NDUFA13: variants seen among roughly 807,000 people sequenced by gnomAD.
NDUFA13 encodes the protein NADH dehydrogenase [ubiquinone] 1 alpha subcomplex subunit 13.
A neutral mutation model predicts 17.0 loss-of-function variants in NDUFA13; 16 were observed. The ratio of observed to expected loss-of-function variants is 0.94; its 90% CI spans 0.64 to 1.43. NDUFA13 has a LOEUF of 1.43. Among genes scored for constraint, NDUFA13 ranks in the 40% most tolerant of loss-of-function variants. NDUFA13 has a pLI of 0.00. For missense variants in NDUFA13, 228 were observed against 206.7 expected, an observed-to-expected ratio of 1.10 and a Z score of -0.63; for synonymous variants, 87 against 78.4, an observed-to-expected ratio of 1.11 and a Z score of -0.58.
intron 1 of NDUFA13, 87 bp from the exon 2 acceptor site, chr19:19,526,095 C>T (rs2061098258): frequency 6.4e-7 from 1 of 1,569,464 alleles, no homozygotes; most frequent in South Asian, 1.2e-5. Flanking sequence ...GCCAGTGTCC[C>T]CTGATTGCAG....
chr19:19,519,879 G>C (rs1398465199), intron 1 of NDUFA13, among the ~76,000 whole-genome samples: 1 of 152,038 alleles, frequency 6.6e-6, no homozygotes, highest in East Asian at 1.9e-4. Flanking sequence ...CCCAAGCCTG[G>C]CACCCACTCC....
intron 1 of NDUFA13, among the ~76,000 whole-genome samples, chr19:19,518,481 C>T (rs2061060246): frequency 6.6e-6 from 1 of 151,892 alleles, no homozygotes; most frequent in Non-Finnish European, 1.5e-5. Context: ...GTTATCCACC[C>T]ACCTCGGCCT....
chr19:19,520,414 G>A (rs912226491), intron 1 of NDUFA13, among the ~76,000 whole-genome samples: 1 of 152,156 alleles, frequency 6.6e-6, no homozygotes, highest in African/African-American at 2.4e-5. Flanking sequence ...TGGATCACCT[G>A]AGCTCAGGAG....
intron 1 of NDUFA13, 25 bp downstream of exon 1, chr19:19,516,357 C>T (rs915201168): frequency 6.2e-7 from 1 of 1,612,096 alleles, no homozygotes; most frequent in Non-Finnish European, 8.5e-7. Flanking sequence ...GCGCCGGGGT[C>T]TCAGAGTCTG....
chr19:19,527,763 A>ACTGGAAGGTGGGTCCCGG lies in NDUFA13; in HGVS notation c.313_315+15dup, dbSNP rs1270593048. On this transcript the variant is annotated inframe_insertion, in exon 4 of 5. Transcript: ENST00000507754. ...GCCATCATCATGAAGGACGTGCCCG[A>ACTGGAAGGTGGGTCCCGG]CTGGAAGGTGGGTCCCGGCTGGGAG... is the stretch of plus-strand genomic sequence containing the variant. 3 of 1,552,660 alleles carry ACTGGAAGGTGGGTCCCGG rather than the reference A, an allele frequency of 1.9e-6. No individual in the cohort carries two copies. The Admixed American group carries it at 5.9e-5, about 30-fold the overall frequency.
At position 19,527,337 on chromosome 19, in the gene NDUFA13, C is replaced by T; in HGVS notation, c.230C>T (p.Ala77Val). 6.2e-7 allele frequency: 1 copy of T among 1,613,912 alleles called. No homozygotes were observed. The highest frequency in any genetic ancestry group is 8.5e-7 in the Non-Finnish European group (1 of 1,180,020). The change falls in exon 3 of 5, where the codon GCA becomes GTA. Residue 77 changes from alanine to valine, a missense_variant. By Grantham distance (64) the Ala-to-Val change is moderately conservative (BLOSUM62 0). Transcript: ENST00000507754. ...ATCGCGCTGTTGCCACTGTTACAGG[C>T]AGAAACCGACCGGAGGTAGCACCGC... ...ARIALLPLLQ[A>V]ETDRRTLQML...
intron 1 of NDUFA13, among the ~76,000 whole-genome samples, chr19:19,520,797 C>T (rs761239066): frequency 3.9e-5 from 6 of 152,216 alleles, no homozygotes; most frequent in Non-Finnish European, 7.3e-5. Flanking sequence ...AAACACTAAT[C>T]TGCTTCCTTC....
intron 1 of NDUFA13, 112 bp downstream of exon 1, chr19:19,516,444 A>G (rs1304274938): frequency 8.7e-7 from 1 of 1,147,226 alleles, no homozygotes; most frequent in African/African-American, 1.5e-5. Flanking sequence ...CCGGAGGCGG[A>G]GCCCGGGGAT....
chr19:19,521,339 T>C (rs2061076291), intron 1 of NDUFA13, among the ~76,000 whole-genome samples: 1 of 152,300 alleles, frequency 6.6e-6, no homozygotes, highest in Non-Finnish European at 1.5e-5. Flanking sequence ...ATATCACTGC[T>C]GGCTGATGAT....
chr19:19,526,335 G>A, intron 2 of NDUFA13, 75 bp downstream of exon 2: 6 of 1,531,214 alleles, frequency 3.9e-6, no homozygotes, highest in Non-Finnish European at 5.4e-6. Context: ...TTCCGCTGTT[G>A]TCTGTGCTGG....
At chr19:19,525,962 C>A (rs1255131866) in intron 1 of NDUFA13, 2 of 1,391,860 alleles carry the variant, frequency 1.4e-6, no homozygotes, top group East Asian at 2.6e-5. Flanking sequence ...CTGGGGCCCC[C>A]CTAGCAACCA....
chr19:19,523,594 G>A (rs1172595227), intron 1 of NDUFA13, among the ~76,000 whole-genome samples: 1 of 152,056 alleles, frequency 6.6e-6, no homozygotes, highest in Non-Finnish European at 1.5e-5. Context: ...AAGTAGGTGG[G>A]ACCACAGATA....
intron 1 of NDUFA13, among the ~76,000 whole-genome samples, chr19:19,516,734 C>A (rs1166416277): frequency 6.6e-6 from 1 of 152,228 alleles, no homozygotes; most frequent in African/African-American, 2.4e-5. Flanking sequence ...GCAGTGGTTC[C>A]CTGCTGGCAG....
Position 19,516,315 on chromosome 19 carries a change from C to A in NDUFA13, c.77C>A (p.Pro26Gln), listed in dbSNP as rs754055708. The part of the protein sequence containing the change: ...YGPIDYKRNL[P>Q]RRGLSGYSML... ...CCCATCGACTACAAACGGAACTTGC[C>A]GCGTCGAGGACTGTCGGGTCAGTAT... The change falls in exon 1 of 5, where the codon CCG becomes CAG. Residue 26 changes from proline to glutamine, a missense_variant. Coordinates refer to ENST00000507754, the MANE Select transcript of NDUFA13 (RefSeq NM_015965.7). 2 of 1,613,652 alleles carry A rather than the reference C, an allele frequency of 1.2e-6. No homozygotes were observed. The highest frequency in any genetic ancestry group is 2.2e-5 in the South Asian group (2 of 91,072).
chr19:19,526,524 C>T, intron 2 of NDUFA13: 1 of 520,308 alleles, frequency 1.9e-6, no homozygotes. Flanking sequence ...TCAAGACCAG[C>T]CTGGGCAACA....
At position 19,525,105 on chromosome 19, in the gene NDUFA13, A is replaced by G. The variant is rs543421863; in HGVS notation, c.95-1077A>G. On this transcript the variant is annotated intron_variant, in intron 1 of 4. Transcript: ENST00000507754. ...TGATGAAACCTCCCATGTGCTAGAC[A>G]GGAGGCTGAGAGCTGGGAGCTGGCC... Among the ~76,000 whole-genome samples, 9 of 152,350 alleles carry G rather than the reference A, an allele frequency of 5.9e-5. No homozygotes were observed. In the South Asian group the frequency reaches 1.9e-3, roughly 32 times the overall value.
At chr19:19,524,518 C>T (rs1306493758) in intron 1 of NDUFA13, among the ~76,000 whole-genome samples, 13 of 152,080 alleles carry the variant, frequency 8.5e-5, no homozygotes, top group Admixed American at 2.0e-4. Flanking sequence ...TCTCTGTAGC[C>T]GTGGAAAATA....
intron 2 of NDUFA13, 119 bp from the exon 3 acceptor site, chr19:19,527,162 G>GCCC: frequency 6.0e-6 from 5 of 837,454 alleles, no homozygotes; most frequent in Non-Finnish European, 7.1e-6. Context: ...CCCCCTGCCT[G>GCCC]CCTCCCCGCC....
intron 4 of NDUFA13, 82 bp downstream of exon 4, chr19:19,527,852 A>G: frequency 6.7e-7 from 1 of 1,501,138 alleles, no homozygotes; most frequent in Non-Finnish European, 9.1e-7. Flanking sequence ...AGCTTTCTAT[A>G]GAAACCCCAG....
Sources: gnomAD v4.1 joint callset for allele counts (sites outside exome capture counted in the v4.1 genomes callset) on GRCh38, gnomAD v4.1.1 for gene constraint, MANE v1.5 for transcripts, NCBI Gene and HGNC (gene_info 2026-07-23, HGNC 2026-07-21) for gene names.